UBA2: variants seen among roughly 807,000 people sequenced by gnomAD.
The protein encoded by UBA2 is SUMO-activating enzyme subunit 2.
Under a neutral mutation model 77.2 loss-of-function variants are expected in UBA2, and 11 were observed. The observed-to-expected ratio is 0.14, with a 90% CI of 0.09 to 0.24. The LOEUF is 0.24. Ranked by LOEUF, UBA2 falls within the 10% of genes least tolerant of loss-of-function variation. UBA2 has a pLI of 1.00. For synonymous variants in UBA2, 278 were observed against 276.7 expected, an observed-to-expected ratio of 1.00 and a Z score of -0.05; for missense variants, 487 against 781.7, an observed-to-expected ratio of 0.62 and a Z score of 4.50.
In UBA2 at chr19:34,469,361, T is replaced by C. The variant is rs957280417; in HGVS notation, c.*140T>C. On this transcript the variant is annotated 3_prime_UTR_variant, in exon 17 of 17. Coordinates refer to ENST00000246548, the MANE Select transcript of UBA2 (RefSeq NM_005499.3). ...TCTGCTCCCTTTGAAAGCATTCATTTTGCTAGAACTGTTAGACACATTGCA... is the reference window on the plus strand; with the variant it reads ...TCTGCTCCCTTTGAAAGCATTCATTCTGCTAGAACTGTTAGACACATTGCA... 2 of 709,956 alleles carry C rather than the reference T, an allele frequency of 2.8e-6. No individual in the cohort carries two copies. The highest frequency in any genetic ancestry group is 3.6e-5 in the African/African-American group (2 of 54,832). The allele number at this position is 709,956 out of a possible 1,614,324, so 44.0% of individuals were successfully genotyped here.
At chr19:34,456,766 C>G (rs2075566881) in intron 12 of UBA2, among the ~76,000 whole-genome samples, 1 of 151,994 alleles carries the variant, frequency 6.6e-6, no homozygotes, top group Non-Finnish European at 1.5e-5. Context: ...CCATGTTAGC[C>G]AGGCTGGTCA....
In UBA2 at chr19:34,458,558, CAAAAAAAAAAAAAAAAAA is replaced by C. The variant is rs60349858; in HGVS notation, c.1246-194_1246-177del. ...CCTGGGCGACAGCAAGACTCCGTCT[CAAAAAAAAAAAAAAAAAA>C]AAAAAAAAAAAAAAAAGAAGGTTGA... is the stretch of plus-strand genomic sequence containing the variant. On this transcript the variant is annotated intron_variant, in intron 12 of 16. Coordinates refer to ENST00000246548, the MANE Select transcript of UBA2 (RefSeq NM_005499.3). 2.6e-4 allele frequency among the ~76,000 whole-genome samples: 16 copies of C among 60,632 alleles called. No individual in the cohort carries two copies. The South Asian group carries it at 4.6e-3, about 17-fold the overall frequency. 39.8% of individuals were successfully genotyped at this position (60,632 alleles called of 152,430 possible).
intron 14 of UBA2, among the ~76,000 whole-genome samples, chr19:34,463,621 A>AT (rs2075656283): frequency 1.3e-5 from 2 of 151,746 alleles, no homozygotes; most frequent in Non-Finnish European, 2.9e-5. Context: ...AGTCCTAAAA[A>AT]TTTTTTTTGC....
chr19:34,442,952 T>G (rs150879791), intron 6 of UBA2, among the ~76,000 whole-genome samples: 30 of 152,348 alleles, frequency 2.0e-4, no homozygotes, highest in African/African-American at 5.3e-4. Context: ...ATAACTTTCA[T>G]TAATCATATA....
intron 8 of UBA2, among the ~76,000 whole-genome samples, chr19:34,449,529 C>G (rs1027261877): frequency 1.3e-5 from 2 of 152,106 alleles, no homozygotes; most frequent in Non-Finnish European, 2.9e-5. Context: ...AGCCAAATTT[C>G]TGTTCTTACC....
chr19:34,450,852 G>A (rs34008132), intron 9 of UBA2, among the ~76,000 whole-genome samples: 1 of 141,466 alleles, frequency 7.1e-6, no homozygotes, highest in Admixed American at 7.7e-5. Context: ...CGATTCTCCC[G>A]CCTCAGCCTC....
At chr19:34,445,814 C>G (rs1221349690) in intron 8 of UBA2, among the ~76,000 whole-genome samples, 1 of 152,080 alleles carries the variant, frequency 6.6e-6, no homozygotes, top group Non-Finnish European at 1.5e-5. Context: ...GCCCTTGAAC[C>G]CCATAAGCCC....
At chr19:34,445,230 A>C in intron 8 of UBA2, 109 bp downstream of exon 8, 1 of 1,140,040 alleles carries the variant, frequency 8.8e-7, no homozygotes, top group Non-Finnish European at 1.2e-6. Context: ...TTAAGCTTCT[A>C]TGTATATGCC....
rs562776007 is a variant in UBA2, at chr19:34,437,480, C to T, written c.460-1165C>T. Among the ~76,000 whole-genome samples the T allele has an allele frequency of 6.0e-5, 9 of 151,174 alleles. No individual in the cohort carries two copies. In the East Asian group the frequency reaches 6.1e-4, roughly 10 times the overall value. On this transcript the variant is annotated intron_variant, in intron 5 of 16. Transcript: ENST00000246548. ...CAAAATTTAGCTGGGTGTGGTGGCACGCACCTGTAATCCCAGCTACTTGGG... is the reference window on the plus strand; with the variant it reads ...CAAAATTTAGCTGGGTGTGGTGGCATGCACCTGTAATCCCAGCTACTTGGG...
chr19:34,434,789 T>A (rs1307536920), intron 4 of UBA2, 79 bp from the exon 5 acceptor site: 2 of 1,080,186 alleles, frequency 1.9e-6, no homozygotes, highest in Admixed American at 4.4e-5. Flanking sequence ...AGTAAGATAG[T>A]TTTGAGTCTG....
intron 1 of UBA2, chr19:34,429,215 CA>C: frequency 2.0e-6 from 2 of 985,416 alleles, no homozygotes; most frequent in Non-Finnish European, 2.4e-6. Context: ...ATTGCTCTCA[CA>C]GTAGACGGTA....
intron 7 of UBA2, among the ~76,000 whole-genome samples, chr19:34,444,181 C>T (rs2075403101): frequency 6.6e-6 from 1 of 151,020 alleles, no homozygotes; most frequent in Non-Finnish European, 1.5e-5. Flanking sequence ...CCTCAGGCTC[C>T]TGAGTAGCTG....
Position 34,469,008 on chromosome 19 carries a change from C to G in UBA2, c.1742-32C>G, listed in dbSNP as rs781095906. The G allele has an allele frequency of 3.8e-6, 6 of 1,567,020 alleles. No individual in the cohort carries two copies. The South Asian group carries it at 6.1e-5, about 16-fold the overall frequency. Reference sequence around the variant, plus strand: ...GCACAGGTAACTCCCACGCTTTTACCCATTTTCTTTTTCCCTTTTTTCTGA... The same window carrying G: ...GCACAGGTAACTCCCACGCTTTTACGCATTTTCTTTTTCCCTTTTTTCTGA... On this transcript the variant is annotated intron_variant, in intron 16 of 16. Transcript: ENST00000246548.
At chr19:34,447,037 GT>G (rs1174813870) in intron 8 of UBA2, among the ~76,000 whole-genome samples, 7 of 152,168 alleles carry the variant, frequency 4.6e-5, no homozygotes, top group African/African-American at 1.7e-4. Flanking sequence ...AGTTGATAGA[GT>G]ATTAATTCAC....
rs1599883643 is a variant in UBA2, at chr19:34,430,260, A to G, written c.139-316A>G. ...GTTAGTGTTTACCTCGACAGCACAT[A>G]TAGTTTTAATGAATTCACATATTTT... On this transcript the variant is annotated intron_variant, in intron 1 of 16. Transcript: ENST00000246548. The G allele has an allele frequency of 2.6e-5, 6 of 228,864 alleles. No individual in the cohort carries two copies. The East Asian group carries it at 3.8e-4, about 14-fold the overall frequency. 14.2% of individuals were successfully genotyped at this position (228,864 alleles called of 1,614,324 possible). A position where few individuals can be genotyped will look rare whatever the true frequency, so the allele number is the denominator to read the frequency against.
intron 14 of UBA2, among the ~76,000 whole-genome samples, chr19:34,461,815 C>G (rs1230230828): frequency 7.1e-6 from 1 of 140,296 alleles, no homozygotes; most frequent in African/African-American, 2.5e-5. Flanking sequence ...CCAAGGAAAA[C>G]TAGAAAGAGT....
At chr19:34,437,732 T>A (rs934986347) in intron 5 of UBA2, among the ~76,000 whole-genome samples, 1 of 152,106 alleles carries the variant, frequency 6.6e-6, no homozygotes, top group African/African-American at 2.4e-5. Context: ...ATAAATTCCT[T>A]AAATTGTAAT....
At chr19:34,431,244 C>CTTT (rs1184297228) in intron 2 of UBA2, among the ~76,000 whole-genome samples, 8,039 of 69,316 alleles carry the variant, frequency 0.12, 1,166 homozygotes, top group Non-Finnish European at 0.13. Flanking sequence ...ATTTTCTTTT[C>CTTT]TTTTTTTTTT....
rs547979787 is a variant in UBA2 at position 34,456,582 on chromosome 19, G to A, written c.1245+2026G>A. Among the ~76,000 whole-genome samples the A allele has an allele frequency of 4.6e-5, 7 of 151,160 alleles. No homozygotes were observed. In the South Asian group the frequency reaches 1.5e-3, roughly 32 times the overall value. ...TTTTTGGTATCTTTTTTTTGAGATG[G>A]AGTCTTGCTCTGTCACCCAGGCTAG... On this transcript the variant is annotated intron_variant, in intron 12 of 16. Coordinates refer to ENST00000246548, the MANE Select transcript of UBA2 (RefSeq NM_005499.3).
Sources: gnomAD v4.1 joint callset for allele counts (sites outside exome capture counted in the v4.1 genomes callset) on GRCh38, gnomAD v4.1.1 for gene constraint, MANE v1.5 for transcripts, NCBI Gene and HGNC (gene_info 2026-07-23, HGNC 2026-07-21) for gene names.